The following ERMP1 variants were observed in gnomAD, a reference collection of about 807,000 sequenced individuals.
The protein encoded by ERMP1 is Felix-ina.
Under a neutral mutation model 92.0 loss-of-function variants are expected in ERMP1, and 86 were observed. That is an observed-to-expected ratio of 0.93 (90% CI 0.79 to 1.12). The LOEUF (loss-of-function observed/expected upper bound fraction) is 1.12. Among genes scored for constraint, ERMP1 ranks in the 50% most tolerant of loss-of-function variants. The probability of loss-of-function intolerance (pLI) is 0.00; values close to 1 mark genes in which losing one functional copy is unlikely to be tolerated. For synonymous variants in ERMP1, 530 were observed against 412.8 expected, an observed-to-expected ratio of 1.28 and a Z score of -3.44; for missense variants, 1,342 against 1,116.3, an observed-to-expected ratio of 1.20 and a Z score of -2.88.
At chr9:5,866,698 G>C (rs1451566556) in intron 5 of ERMP1, among the ~76,000 whole-genome samples, 1 of 152,180 alleles carries the variant, frequency 6.6e-6, no homozygotes, top group African/African-American at 2.4e-5. Context: ...TGAATTAATA[G>C]TATTATAAAA....
At chr9:5,828,046 G>A (rs917921307) in intron 2 of ERMP1, among the ~76,000 whole-genome samples, 1 of 152,198 alleles carries the variant, frequency 6.6e-6, no homozygotes, top group Non-Finnish European at 1.5e-5. Flanking sequence ...GTTCCCACCT[G>A]TAATCCCAGC....
At chr9:5,796,193 G>C (rs1395996754) in intron 13 of ERMP1, among the ~76,000 whole-genome samples, 1 of 152,158 alleles carries the variant, frequency 6.6e-6, no homozygotes, top group Non-Finnish European at 1.5e-5. Flanking sequence ...GTTATTTTGT[G>C]AATATTGACA....
intron 2 of ERMP1, 86 bp from the exon 3 acceptor site, chr9:5,825,305 T>A (rs1829691277): frequency 7.5e-7 from 1 of 1,325,970 alleles, no homozygotes; most frequent in Non-Finnish European, 1.0e-6. Context: ...AGCTTTCTCC[T>A]CAGAGAAGCA....
Position 5,784,983 on chromosome 9 carries a change from A to T in ERMP1, c.*2161T>A, listed in dbSNP as rs1386506442. 6.6e-6 allele frequency: 1 copy of T among 152,146 alleles called. No individual in the cohort carries two copies. Among genetic ancestry groups the T allele is most frequent in the Non-Finnish European group, 1.5e-5 (1 of 68,024 alleles). 9.4% of individuals were successfully genotyped at this position (152,146 alleles called of 1,614,324 possible). On this transcript the variant is annotated 3_prime_UTR_variant, in exon 15 of 15. Transcript: ENST00000339450. Reference sequence around the variant, plus strand: ...TTTAAAAATTTTTTTTAATCTCAGAATCTACTAATGTGACAGACAAACGGT... The same window carrying T: ...TTTAAAAATTTTTTTTAATCTCAGATTCTACTAATGTGACAGACAAACGGT...
chr9:5,812,179 G>A lies in ERMP1; in HGVS notation c.1060C>T (p.His354Tyr). ...LAFIENGYIYHTKYDTADRIL... is the reference protein window; with the variant it reads ...LAFIENGYIYYTKYDTADRIL... ...CTGTCCGCTGTGTCATACTTGGTGT[G>A]ATAAATGTATCCATTCTCAATAAAA... Residue 354 changes from histidine to tyrosine, a missense_variant, in exon 6 of 15, where the codon CAC becomes TAC. Transcript: ENST00000339450. The A allele has an allele frequency of 1.2e-6, 2 of 1,609,424 alleles. No individual in the cohort carries two copies. The highest frequency in any genetic ancestry group is 2.2e-5 in the East Asian group (1 of 44,796).
Position 5,787,282 on chromosome 9 carries a change from C to G in ERMP1, c.2577G>C (p.Met859Ile). 5 of 1,613,520 alleles carry G rather than the reference C, an allele frequency of 3.1e-6. No homozygotes were observed. Among genetic ancestry groups the G allele is most frequent in the Non-Finnish European group, 4.2e-6 (5 of 1,179,838 alleles). ...AGTGGGCAGCAATGGCCACGGTGAC[C>G]ATTCCTTCAGGATGTTCTTCTGAAA... ...VQVSEEHPEG[M>I]VTVAIAAHYL... Residue 859 changes from methionine (M) to isoleucine (I), a missense_variant, in exon 15 of 15, where the codon ATG becomes ATC. Physicochemically the swap from Met to Ile is conservative, Grantham distance 10. Transcript: ENST00000339450.
Position 5,821,944 on chromosome 9 carries a change from C to A in ERMP1, c.874+1952G>T, listed in dbSNP as rs537127680. Among the ~76,000 whole-genome samples the A allele has an allele frequency of 2.0e-5, 3 of 152,274 alleles. No individual in the cohort carries two copies. The South Asian group carries it at 6.2e-4, about 32-fold the overall frequency. On this transcript the variant is annotated intron_variant, in intron 4 of 14. Transcript: ENST00000339450. ...TGTTACATGTATGTGTTCCTCCTATCCTAACTGACATCCAAGAAATAGAAA... is the reference window on the plus strand; with the variant it reads ...TGTTACATGTATGTGTTCCTCCTATACTAACTGACATCCAAGAAATAGAAA...
intron 8 of ERMP1, 134 bp from the exon 9 acceptor site, chr9:5,805,919 TTAAAG>T (rs1828854817): frequency 1.5e-6 from 1 of 648,012 alleles, no homozygotes; most frequent in Non-Finnish European, 2.5e-6. Context: ...TTAAACTGAT[TTAAAG>T]TAAACACTAA....
chr9:5,842,887 A>C (rs985140512), intron 6 of ERMP1, among the ~76,000 whole-genome samples: 2 of 152,232 alleles, frequency 1.3e-5, no homozygotes, highest in Non-Finnish European at 2.9e-5. Flanking sequence ...AAATCGCTTA[A>C]TTCATAGCCT....
rs765569318 is a variant in ERMP1, at chr9:5,805,684, C to T, written c.1650G>A (p.Ala550=). ...VTLTYQGLCS[A]FISAVWVAFP... ...ATGCTACCCAGACAGCACTAATAAA[C>T]GCCGAGCAAAGTCCTTGGTAAGTGA... The change falls in exon 9 of 15, where the codon GCG becomes GCA. Residue 550 remains alanine, a synonymous_variant. Coordinates refer to ENST00000339450, the MANE Select transcript of ERMP1 (RefSeq NM_024896.3). The T allele has an allele frequency of 2.0e-5, 33 of 1,613,364 alleles. No individual in the cohort carries two copies. The highest frequency in any genetic ancestry group is 2.4e-5 in the Non-Finnish European group (28 of 1,179,780).
intron 5 of ERMP1, among the ~76,000 whole-genome samples, chr9:5,862,054 G>A (rs1424934094): frequency 6.6e-6 from 1 of 151,828 alleles, no homozygotes; most frequent in Non-Finnish European, 1.5e-5. Flanking sequence ...TATTGAGACA[G>A]GGTCTCCTTC....
intron 11 of ERMP1, among the ~76,000 whole-genome samples, chr9:5,799,270 A>C (rs1828573820): frequency 6.6e-6 from 1 of 152,210 alleles, no homozygotes; most frequent in South Asian, 2.1e-4. Context: ...TTTCAGACTT[A>C]AAAGACGTTA....
In ERMP1 at chr9:5,805,592, A is replaced by G. The variant is rs2131227026; in HGVS notation, c.1723+19T>C. 1.9e-6 allele frequency: 3 copies of G among 1,547,202 alleles called. No homozygotes were observed. The highest frequency in any genetic ancestry group is 1.4e-5 in the African/African-American group (1 of 70,878). Reference sequence around the variant, plus strand: ...TTTAAGGTATTCTCCCATGTATATCAAAATCAAAAATACCCTACCATGCTG... The same window carrying G: ...TTTAAGGTATTCTCCCATGTATATCGAAATCAAAAATACCCTACCATGCTG... On this transcript the variant is annotated intron_variant, in intron 9 of 14. Transcript: ENST00000339450.
At chr9:5,790,268 C>T (rs867679619) in intron 13 of ERMP1, among the ~76,000 whole-genome samples, 1 of 150,772 alleles carries the variant, frequency 6.6e-6, no homozygotes, top group African/African-American at 2.4e-5. Flanking sequence ...CAACCTCTGC[C>T]TCCCGGGTTC....
chr9:5,817,049 C>A (rs1040863188), intron 4 of ERMP1, among the ~76,000 whole-genome samples: 16 of 151,574 alleles, frequency 1.1e-4, no homozygotes, highest in Admixed American at 9.9e-4. Flanking sequence ...CAGGCGCCTG[C>A]CAATATGCCC....
chr9:5,840,533 C>T (rs1012293332), intron 6 of ERMP1, among the ~76,000 whole-genome samples: 1 of 152,220 alleles, frequency 6.6e-6, no homozygotes, highest in East Asian at 1.9e-4. Flanking sequence ...TGCCCCTCCC[C>T]GGCCCCCAGG....
chr9:5,863,021 T>C (rs1327187806), intron 5 of ERMP1, among the ~76,000 whole-genome samples: 1 of 152,232 alleles, frequency 6.6e-6, no homozygotes, highest in Admixed American at 6.5e-5. Flanking sequence ...AAGTTTCTTT[T>C]GAGCCCATTT....
intron 13 of ERMP1, among the ~76,000 whole-genome samples, chr9:5,789,700 A>C (rs868830846): frequency 6.6e-6 from 1 of 152,024 alleles, no homozygotes; most frequent in Non-Finnish European, 1.5e-5. Flanking sequence ...AGTGGCGTGA[A>C]CACAGCAGCC....
chr9:5,865,849 A>AG (rs1385009817), intron 5 of ERMP1, among the ~76,000 whole-genome samples: 1 of 150,346 alleles, frequency 6.7e-6, no homozygotes, highest in Non-Finnish European at 1.5e-5. Context: ...AAAAAAAAAA[A>AG]AAAAAAAATG....
Sources: gnomAD v4.1 joint callset for allele counts (sites outside exome capture counted in the v4.1 genomes callset) on GRCh38, gnomAD v4.1.1 for gene constraint, MANE v1.5 for transcripts, NCBI Gene and HGNC (gene_info 2026-07-23, HGNC 2026-07-21) for gene names.